HECW2: variants seen among roughly 807,000 people sequenced by gnomAD.
HECW2 encodes the protein HECT, C2 and WW domain containing E3 ubiquitin protein ligase 2.
In HECW2, 61 loss-of-function variants were observed where a neutral mutation model predicts 175.2. That is an observed-to-expected ratio of 0.35 (90% CI 0.28 to 0.43). The LOEUF is 0.43. Among genes scored for constraint, HECW2 ranks in the 20% least tolerant of loss-of-function variants. The pLI, the probability that HECW2 is intolerant of heterozygous loss-of-function variation, is 1.00. For missense variants in HECW2, 1,524 were observed against 2,000.5 expected (o/e 0.76, Z 4.54); for synonymous variants, 671 against 731.0 (o/e 0.92, Z 1.32).
chr2:196,268,529 G>C (rs1689602924), intron 17 of HECW2, among the ~76,000 whole-genome samples: 1 of 152,174 alleles, frequency 6.6e-6, no homozygotes, highest in South Asian at 2.1e-4. Context: ...CCCTCTGTTA[G>C]GATCTGTTAA....
chr2:196,331,200 A>C (rs2105794145), intron 4 of HECW2: 1 of 985,164 alleles, frequency 1.0e-6, no homozygotes, highest in East Asian at 1.1e-4. Flanking sequence ...TTTTCCTTCC[A>C]TCTATAGATC....
At chr2:196,362,440 A>G (rs1693622257) in intron 2 of HECW2, among the ~76,000 whole-genome samples, 1 of 151,370 alleles carries the variant, frequency 6.6e-6, no homozygotes, top group Non-Finnish European at 1.5e-5. Flanking sequence ...TTGCTATTTG[A>G]TTTACTCAGA....
chr2:196,445,917 C>G (rs2125298706), intron 1 of HECW2, among the ~76,000 whole-genome samples: 1 of 152,332 alleles, frequency 6.6e-6, no homozygotes, highest in South Asian at 2.1e-4. Flanking sequence ...TCTGAATGAA[C>G]AGCCTCCTTC....
chr2:196,452,100 A>G (rs1182914050), intron 1 of HECW2, among the ~76,000 whole-genome samples: 1 of 152,150 alleles, frequency 6.6e-6, no homozygotes, highest in Non-Finnish European at 1.5e-5. Context: ...CAGTAATGGT[A>G]CAACACTGTG....
intron 2 of HECW2, among the ~76,000 whole-genome samples, chr2:196,359,855 C>T (rs1693521898): frequency 6.6e-6 from 1 of 152,222 alleles, no homozygotes. Context: ...GTAATACCAG[C>T]ACTTTGGGAG....
intron 2 of HECW2, 71 bp downstream of exon 2, chr2:196,433,061 G>A (rs1281200129): frequency 5.6e-6 from 8 of 1,416,320 alleles, no homozygotes; most frequent in Admixed American, 4.4e-5. Context: ...AGAAAATACA[G>A]AATGGTAAAA....
At chr2:196,559,247 C>A (rs1360414327) in intron 1 of HECW2, among the ~76,000 whole-genome samples, 1 of 152,182 alleles carries the variant, frequency 6.6e-6, no homozygotes, top group African/African-American at 2.4e-5. Flanking sequence ...GTAAGATGCA[C>A]CTGCAATCTG....
At chr2:196,312,252 G>C (rs1026680567) in intron 10 of HECW2, among the ~76,000 whole-genome samples, 1 of 151,908 alleles carries the variant, frequency 6.6e-6, no homozygotes, top group African/African-American at 2.4e-5. Context: ...ATGGGTGGGG[G>C]GGTGCTATGG....
chr2:196,514,627 A>G (rs60418429), intron 1 of HECW2, among the ~76,000 whole-genome samples: 23,799 of 152,072 alleles, frequency 0.16, 3,452 homozygotes, highest in African/African-American at 0.39. Context: ...TCCCCTCTGA[A>G]GTCCATAAAA....
At chr2:196,461,445 C>T (rs1696739337) in intron 1 of HECW2, among the ~76,000 whole-genome samples, 1 of 152,146 alleles carries the variant, frequency 6.6e-6, no homozygotes. Flanking sequence ...TTTGGAAAAC[C>T]ATTTTCATAC....
intron 1 of HECW2, among the ~76,000 whole-genome samples, chr2:196,492,519 T>G (rs1375345634): frequency 6.6e-6 from 1 of 152,230 alleles, no homozygotes; most frequent in East Asian, 1.9e-4. Context: ...AAGAACAGAT[T>G]ATCAAACTGA....
chr2:196,403,407 G>A (rs967056346), intron 2 of HECW2, among the ~76,000 whole-genome samples: 6 of 152,180 alleles, frequency 3.9e-5, no homozygotes, highest in African/African-American at 1.4e-4. Context: ...GACTTCCAGG[G>A]AAAGGTAGGA....
chr2:196,267,309 A>G (rs181124862), intron 17 of HECW2, among the ~76,000 whole-genome samples: 25 of 152,360 alleles, frequency 1.6e-4, no homozygotes, highest in Non-Finnish European at 2.6e-4. Context: ...CCTATAAAAT[A>G]CTGTTAAAGG....
chr2:196,423,653 CCTT>C (rs574909458), intron 2 of HECW2, among the ~76,000 whole-genome samples: 400 of 140,374 alleles, frequency 2.8e-3, no homozygotes, highest in African/African-American at 0.01. Flanking sequence ...GAGAGGGTTT[CCTT>C]CTTTTTTAAT....
intron 1 of HECW2, among the ~76,000 whole-genome samples, chr2:196,460,302 G>A (rs1401839984): frequency 6.6e-6 from 1 of 152,098 alleles, no homozygotes; most frequent in African/African-American, 2.4e-5. Flanking sequence ...GTTAACAGAA[G>A]AGAGGCATTT....
At chr2:196,436,362 C>G (rs552637107) in intron 1 of HECW2, among the ~76,000 whole-genome samples, 35 of 142,418 alleles carry the variant, frequency 2.5e-4, no homozygotes, top group African/African-American at 7.4e-4. Context: ...GATTGCACCA[C>G]TGGACTCCAG....
chr2:196,348,857 C>T (rs1198389025), intron 2 of HECW2, among the ~76,000 whole-genome samples: 1 of 152,192 alleles, frequency 6.6e-6, no homozygotes. Flanking sequence ...CCAAATCTGT[C>T]TCTGTCCTCA....
chr2:196,489,587 GA>G (rs1687119257), intron 1 of HECW2, among the ~76,000 whole-genome samples: 1 of 152,178 alleles, frequency 6.6e-6, no homozygotes, highest in Non-Finnish European at 1.5e-5. Context: ...CCTGGCGTGT[GA>G]AGGAACAGAC....
chr2:196,220,865 C>G lies in HECW2; in HGVS notation c.4223G>C (p.Arg1408Thr), dbSNP rs373995741. 8.9e-5 allele frequency: 143 copies of G among 1,614,054 alleles called. No individual in the cohort carries two copies. Among genetic ancestry groups the G allele is most frequent in the Non-Finnish European group, 1.2e-4 (137 of 1,180,020 alleles). The change falls in exon 25 of 29, where the codon AGG becomes ACG. Residue 1408 changes from arginine to threonine, a missense_variant. Around this residue, in one of 11 missense-constraint regions of HECW2, gnomAD observed 134 missense variants for 287.8 expected, o/e 0.47. Transcript: ENST00000644978. ...CCTCTCAATCCTCCACTTCACCATC[C>G]TCTCGATGTACTCCTTCTTGTTCTT... is the stretch of plus-strand genomic sequence containing the variant. ...TEKNKKEYIERMVKWRIERGV... is the reference protein window; with the variant it reads ...TEKNKKEYIETMVKWRIERGV...
Sources: gnomAD v4.1 joint callset for allele counts (sites outside exome capture counted in the v4.1 genomes callset) on GRCh38, gnomAD v4.1.1 for gene constraint, gnomAD v4.1.1 regional missense constraint, MANE v1.5 for transcripts, NCBI Gene and HGNC (gene_info 2026-07-23, HGNC 2026-07-21) for gene names.